Variants in PLSCR4 observed in about 807,000 individuals in gnomAD.
PLSCR4 encodes Ca(2+)-dependent phospholipid scramblase 4.
In PLSCR4, 25 loss-of-function variants were observed where a neutral mutation model predicts 36.3. The observed-to-expected ratio is 0.69, with a 90% CI of 0.50 to 0.96. PLSCR4 has a LOEUF of 0.96. Ranked by LOEUF, PLSCR4 falls within the 40% of genes least tolerant of loss-of-function variation. The pLI is 0.00. For missense variants in PLSCR4, 408 were observed against 414.7 expected, an observed-to-expected ratio of 0.98 and a Z score of 0.14; for synonymous variants, 122 against 132.9, an observed-to-expected ratio of 0.92 and a Z score of 0.56.
intron 8 of PLSCR4, among the ~76,000 whole-genome samples, 198 bp downstream of exon 8, chr3:146,194,926 T>G (rs1243171876): frequency 1.3e-5 from 2 of 152,094 alleles, no homozygotes; most frequent in Non-Finnish European, 2.9e-5. Flanking sequence ...ACCCTGAAAA[T>G]TATAAGTATT....
chr3:146,204,334 T>G (rs1489780022), intron 4 of PLSCR4, among the ~76,000 whole-genome samples: 1 of 152,026 alleles, frequency 6.6e-6, no homozygotes, highest in Non-Finnish European at 1.5e-5. Flanking sequence ...TAAGAAGGTA[T>G]TTAAGCTAAT....
intron 3 of PLSCR4, among the ~76,000 whole-genome samples, chr3:146,215,372 T>C (rs1161303518): frequency 1.3e-5 from 2 of 151,974 alleles, no homozygotes; most frequent in East Asian, 1.9e-4. Context: ...TCAAGAATAT[T>C]TGAAAGCCAA....
At position 146,240,558 on chromosome 3, in the gene PLSCR4, C is replaced by A. The variant is rs1316969655; in HGVS notation, c.-22+10402G>T. On this transcript the variant is annotated intron_variant, in intron 1 of 8. Coordinates refer to ENST00000354952, the MANE Select transcript of PLSCR4 (RefSeq NM_020353.3). ...AGTTCGAGGCTGCACTGAGCTATGA[C>A]TGTGTCTGCATACTGGCCTGGGTGA... is the stretch of plus-strand genomic sequence containing the variant. 2.6e-5 allele frequency among the ~76,000 whole-genome samples: 4 copies of A among 152,304 alleles called. No individual in the cohort carries two copies. In the East Asian group the frequency reaches 7.7e-4, roughly 29 times the overall value.
intron 1 of PLSCR4, among the ~76,000 whole-genome samples, chr3:146,224,329 A>C (rs558491372): frequency 3.3e-5 from 5 of 152,364 alleles, no homozygotes; most frequent in African/African-American, 1.2e-4. Flanking sequence ...GATGTATCTC[A>C]AAATTATAGC....
intron 1 of PLSCR4, 41 bp downstream of exon 1, chr3:146,250,916 GCCA>G: frequency 6.6e-6 from 1 of 152,266 alleles, no homozygotes; most frequent in East Asian, 2.0e-4. Context: ...GGGCGCCCGC[GCCA>G]CCCTGTCCTG....
At chr3:146,198,209 A>C (rs536729944) in intron 6 of PLSCR4, among the ~76,000 whole-genome samples, 3 of 152,106 alleles carry the variant, frequency 2.0e-5, no homozygotes, top group Non-Finnish European at 4.4e-5. Context: ...ATGGTAATAA[A>C]AGAGGACTTT....
intron 1 of PLSCR4, among the ~76,000 whole-genome samples, chr3:146,237,576 AGTT>A (rs755068331): frequency 4.3e-4 from 65 of 152,034 alleles, no homozygotes; most frequent in Non-Finnish European, 6.0e-4. Flanking sequence ...AATAGAAAAA[AGTT>A]GAGGAAATTC....
chr3:146,222,095 G>T lies in PLSCR4; in HGVS notation c.-21-3C>A. 9.0e-7 allele frequency: 1 copy of T among 1,108,894 alleles called. No individual in the cohort carries two copies. The highest frequency in any genetic ancestry group is 1.2e-6 in the Non-Finnish European group (1 of 802,344). 68.7% of individuals were successfully genotyped at this position (1,108,894 alleles called of 1,614,324 possible). ...ATTTTGAAGAATTCCAATTAATCCT[G>T]AAAAATAAAAAATGTTAATGCCTTT... is the stretch of plus-strand genomic sequence containing the variant. On this transcript the variant is annotated splice_region_variant and splice_polypyrimidine_tract_variant and intron_variant, in intron 1 of 8. Transcript: ENST00000354952.
chr3:146,229,261 C>G (rs1248467677), intron 1 of PLSCR4, among the ~76,000 whole-genome samples: 2 of 151,904 alleles, frequency 1.3e-5, no homozygotes, highest in African/African-American at 4.8e-5. Flanking sequence ...ATAGGGAGGC[C>G]GATCATGCCA....
intron 1 of PLSCR4, among the ~76,000 whole-genome samples, chr3:146,245,561 TATG>T (rs936039046): frequency 2.0e-5 from 3 of 151,994 alleles, no homozygotes; most frequent in East Asian, 1.9e-4. Flanking sequence ...CATGAAACAT[TATG>T]ATAAAATAAT....
At position 146,192,868 on chromosome 3, in the gene PLSCR4, C is replaced by T. The variant is rs2033477163; in HGVS notation, c.*1543G>A. The stretch of plus-strand genomic sequence containing the variant: ...ATGTAAAAATGAGCATTACGAGAAA[C>T]TCAGAAAAACAAATTTACCCTGAAA... On this transcript the variant is annotated 3_prime_UTR_variant, in exon 9 of 9. Transcript: ENST00000354952. 6.6e-6 allele frequency: 1 copy of T among 151,278 alleles called. No homozygotes were observed. Among genetic ancestry groups the T allele is most frequent in the African/African-American group, 2.4e-5 (1 of 41,210 alleles). The allele number at this position is 151,278 out of a possible 1,614,324, so 9.4% of individuals were successfully genotyped here. A position where few individuals can be genotyped will look rare whatever the true frequency, so the allele number is the denominator to read the frequency against.
intron 7 of PLSCR4, among the ~76,000 whole-genome samples, 174 bp from the exon 8 acceptor site, chr3:146,195,456 A>T (rs1559895326): frequency 6.6e-6 from 1 of 152,220 alleles, no homozygotes; most frequent in Non-Finnish European, 1.5e-5. Context: ...ACTGGTTAAT[A>T]ACTGAGCTAG....
At chr3:146,201,878 G>A (rs910033654) in intron 4 of PLSCR4, among the ~76,000 whole-genome samples, 2 of 151,992 alleles carry the variant, frequency 1.3e-5, no homozygotes, top group African/African-American at 2.4e-5. Flanking sequence ...CCTTCTTGAG[G>A]ACACACTGAT....
At chr3:146,238,893 G>A (rs1347896839) in intron 1 of PLSCR4, among the ~76,000 whole-genome samples, 1 of 152,042 alleles carries the variant, frequency 6.6e-6, no homozygotes, top group Non-Finnish European at 1.5e-5. Context: ...TAAAAAGGAA[G>A]CATAAACAAG....
At chr3:146,224,334 T>C (rs570534818) in intron 1 of PLSCR4, among the ~76,000 whole-genome samples, 2 of 152,304 alleles carry the variant, frequency 1.3e-5, no homozygotes, top group South Asian at 4.1e-4. Context: ...ATCTCAAAAT[T>C]ATAGCACAAC....
chr3:146,210,031 T>C (rs2034538215), intron 3 of PLSCR4, among the ~76,000 whole-genome samples: 1 of 152,120 alleles, frequency 6.6e-6, no homozygotes, highest in African/African-American at 2.4e-5. Context: ...AACCTACAAA[T>C]GCTTAAGTCC....
chr3:146,228,897 G>A (rs1349710825), intron 1 of PLSCR4, among the ~76,000 whole-genome samples: 3 of 151,950 alleles, frequency 2.0e-5, no homozygotes, highest in Non-Finnish European at 4.4e-5. Context: ...TTCTTTAAAT[G>A]TTTAAATTTT....
chr3:146,214,816 T>A (rs1271674645), intron 3 of PLSCR4, among the ~76,000 whole-genome samples: 1 of 152,170 alleles, frequency 6.6e-6, no homozygotes, highest in East Asian at 1.9e-4. Flanking sequence ...GCTGTTCAGA[T>A]CTTTCCTTTT....
chr3:146,245,573 A>C (rs9813122), intron 1 of PLSCR4, among the ~76,000 whole-genome samples: 116,396 of 151,786 alleles, frequency 0.77, 45,689 homozygotes, highest in Non-Finnish European at 0.86. Context: ...TGATAAAATA[A>C]TTTTCCTTTA....
Sources: allele counts gnomAD v4.1 joint callset (sites outside exome capture counted in the v4.1 genomes callset), GRCh38; gene constraint gnomAD v4.1.1; transcripts MANE v1.5; gene names NCBI Gene and HGNC (gene_info 2026-07-23, HGNC 2026-07-21).